The following GAREM1 variants were observed in gnomAD, a reference collection of about 807,000 sequenced individuals.
GAREM1 encodes GRB2-associated and regulator of MAPK protein 1.
GAREM1 carries 26 observed loss-of-function variants against 71.3 expected under a neutral mutation model. The ratio of observed to expected loss-of-function variants is 0.36; its 90% CI spans 0.27 to 0.51. The LOEUF (loss-of-function observed/expected upper bound fraction) is 0.51. GAREM1 is among the 20% of genes least tolerant of loss of function. GAREM1 has a pLI of 0.95. For missense variants in GAREM1, 1,026 were observed against 1,103.1 expected, an observed-to-expected ratio of 0.93 and a Z score of 0.99; for synonymous variants, 440 against 433.2, an observed-to-expected ratio of 1.02 and a Z score of -0.20.
At chr18:32,404,698 A>G (rs988208511) in intron 1 of GAREM1, among the ~76,000 whole-genome samples, 2 of 152,208 alleles carry the variant, frequency 1.3e-5, no homozygotes, top group African/African-American at 4.8e-5. Flanking sequence ...GCAAATATAT[A>G]ATCTTATATG....
At chr18:32,393,085 C>G (rs2048218769) in intron 1 of GAREM1, 50 bp from the exon 2 acceptor site, 1 of 1,557,704 alleles carries the variant, frequency 6.4e-7, no homozygotes, top group South Asian at 1.2e-5. Flanking sequence ...AATCTGCTTT[C>G]TCCATACTTT....
chr18:32,442,787 A>G (rs796810651), intron 1 of GAREM1, among the ~76,000 whole-genome samples: 1 of 152,296 alleles, frequency 6.6e-6, no homozygotes, highest in South Asian at 2.1e-4. Context: ...AAGATCCCAA[A>G]CAAATGTTCT....
chr18:32,438,682 T>C (rs2048705498), intron 1 of GAREM1, among the ~76,000 whole-genome samples: 1 of 152,242 alleles, frequency 6.6e-6, no homozygotes, highest in Non-Finnish European at 1.5e-5. Context: ...CTTTTACTTC[T>C]ATCTTTAGGA....
intron 1 of GAREM1, among the ~76,000 whole-genome samples, chr18:32,468,733 A>T (rs1203806170): frequency 6.6e-6 from 1 of 152,210 alleles, no homozygotes; most frequent in African/African-American, 2.4e-5. Context: ...CACCACATGC[A>T]GCAATGCTCT....
intron 1 of GAREM1, among the ~76,000 whole-genome samples, chr18:32,442,762 A>G (rs2048751151): frequency 6.6e-6 from 1 of 152,156 alleles, no homozygotes; most frequent in Non-Finnish European, 1.5e-5. Context: ...ATGGGAAGAG[A>G]GATGCTTTCA....
intron 1 of GAREM1, among the ~76,000 whole-genome samples, chr18:32,461,216 T>C (rs1243776154): frequency 2.6e-5 from 4 of 152,214 alleles, no homozygotes; most frequent in African/African-American, 7.2e-5. Context: ...TACTGAGATT[T>C]GCTCATTCAT....
In GAREM1 at chr18:32,313,984, C is replaced by T. The variant is rs533476387; in HGVS notation, c.263-3661G>A. On this transcript the variant is annotated intron_variant, in intron 2 of 5. Transcript: ENST00000269209. ...GGACAATACAGAGGATGAACCTAGA[C>T]ATGAAAGAACAGCTCATATACCACA... 2.6e-4 allele frequency among the ~76,000 whole-genome samples: 40 copies of T among 151,884 alleles called. 2 individuals are homozygous for T. The Middle Eastern group carries it at 0.031, about 116-fold the overall frequency.
At chr18:32,352,898 T>C (rs1234331205) in intron 2 of GAREM1, among the ~76,000 whole-genome samples, 1 of 152,166 alleles carries the variant, frequency 6.6e-6, no homozygotes, top group Non-Finnish European at 1.5e-5. Flanking sequence ...GCCTCCCTTC[T>C]AGAACTAGTA....
chr18:32,354,029 C>G (rs17736440), intron 2 of GAREM1, among the ~76,000 whole-genome samples: 8,049 of 152,118 alleles, frequency 0.053, 224 homozygotes, highest in South Asian at 0.072. Context: ...ATTAGTAAAA[C>G]CAAAGGAACC....
chr18:32,372,702 C>T (rs1236369002), intron 2 of GAREM1, among the ~76,000 whole-genome samples: 1 of 152,194 alleles, frequency 6.6e-6, no homozygotes, highest in African/African-American at 2.4e-5. Flanking sequence ...GCAATGTCAA[C>T]AAAACTGGGA....
chr18:32,385,867 C>T (rs989368813), intron 2 of GAREM1, among the ~76,000 whole-genome samples: 1 of 151,934 alleles, frequency 6.6e-6, no homozygotes, highest in Non-Finnish European at 1.5e-5. Flanking sequence ...ATAATAGCAC[C>T]CATTTCATGA....
intron 3 of GAREM1, among the ~76,000 whole-genome samples, chr18:32,295,157 C>T (rs949639224): frequency 4.0e-5 from 6 of 151,818 alleles, no homozygotes; most frequent in Admixed American, 2.0e-4. Context: ...CTCTGCCTCC[C>T]GGGTTCAAGT....
chr18:32,432,703 C>T (rs2048635749), intron 1 of GAREM1, among the ~76,000 whole-genome samples: 1 of 152,044 alleles, frequency 6.6e-6, no homozygotes. Flanking sequence ...ATAAAATAGA[C>T]CAATTTCTTG....
chr18:32,336,370 C>A (rs1176608247), intron 2 of GAREM1, among the ~76,000 whole-genome samples: 1 of 146,614 alleles, frequency 6.8e-6, no homozygotes, highest in African/African-American at 2.5e-5. Context: ...GTGGAGCTTG[C>A]AGTGAGCGAA....
At chr18:32,313,558 T>C (rs561038843) in intron 2 of GAREM1, among the ~76,000 whole-genome samples, 48 of 152,236 alleles carry the variant, frequency 3.2e-4, no homozygotes, top group South Asian at 1.2e-3. Flanking sequence ...AAGAGGAGTA[T>C]ATCTGGAGAG....
At chr18:32,374,946 G>A (rs771359636) in intron 2 of GAREM1, among the ~76,000 whole-genome samples, 5 of 152,078 alleles carry the variant, frequency 3.3e-5, no homozygotes, top group Non-Finnish European at 7.4e-5. Context: ...CCTTTCAACA[G>A]GCTTAGAGAT....
intron 2 of GAREM1, among the ~76,000 whole-genome samples, chr18:32,341,860 T>A (rs556432625): frequency 6.6e-6 from 1 of 151,920 alleles, no homozygotes; most frequent in African/African-American, 2.4e-5. Context: ...CAGATTTACA[T>A]AGAGGATAAA....
intron 3 of GAREM1, among the ~76,000 whole-genome samples, chr18:32,302,896 C>T (rs2047214373): frequency 1.3e-5 from 2 of 152,216 alleles, no homozygotes; most frequent in South Asian, 4.1e-4. Flanking sequence ...ATTACAGTGG[C>T]TCTGCTGCTA....
chr18:32,277,000 CA>C (rs1441470877), intron 4 of GAREM1, among the ~76,000 whole-genome samples: 1 of 152,142 alleles, frequency 6.6e-6, no homozygotes, highest in East Asian at 1.9e-4. Flanking sequence ...AACAACAGTG[CA>C]AAGATGGAGA....
Sources: allele counts gnomAD v4.1 joint callset (sites outside exome capture counted in the v4.1 genomes callset), GRCh38; gene constraint gnomAD v4.1.1; transcripts MANE v1.5; gene names NCBI Gene and HGNC (gene_info 2026-07-23, HGNC 2026-07-21).